The following TBCEL variants were observed in gnomAD, a reference collection of about 807,000 sequenced individuals.
TBCEL encodes tubulin folding cofactor E like.
Under a neutral mutation model 44.2 loss-of-function variants are expected in TBCEL, and 15 were observed. The ratio of observed to expected loss-of-function variants is 0.34; its 90% confidence interval spans 0.23 to 0.52. TBCEL has a LOEUF of 0.52. Among genes scored for constraint, TBCEL ranks in the 20% least tolerant of loss-of-function variants. TBCEL has a pLI of 0.95. For missense variants in TBCEL, 319 were observed against 506.3 expected (o/e 0.63, Z 3.55); for synonymous variants, 171 against 185.4 (o/e 0.92, Z 0.63).
intron 4 of TBCEL, among the ~76,000 whole-genome samples, chr11:121,051,209 A>G (rs1945522101): frequency 6.6e-6 from 1 of 151,720 alleles, no homozygotes; most frequent in African/African-American, 2.4e-5. Flanking sequence ...ATTAATTTTC[A>G]CTGTACAGTA....
chr11:121,075,805 T>C (rs1425668213), intron 8 of TBCEL, among the ~76,000 whole-genome samples: 1 of 152,004 alleles, frequency 6.6e-6, no homozygotes, highest in East Asian at 1.9e-4. Context: ...TAAAGTGTAC[T>C]TACATAAACT....
chr11:121,077,817 A>G (rs905553819), intron 8 of TBCEL, among the ~76,000 whole-genome samples: 1 of 152,024 alleles, frequency 6.6e-6, no homozygotes, highest in Non-Finnish European at 1.5e-5. Flanking sequence ...TTTTCATTGA[A>G]TTCAGATATT....
At chr11:121,078,609 T>C (rs1405129150) in intron 8 of TBCEL, among the ~76,000 whole-genome samples, 3 of 152,190 alleles carry the variant, frequency 2.0e-5, no homozygotes, top group East Asian at 1.9e-4. Context: ...GTTTTCTTTT[T>C]TTCATCCTCA....
chr11:121,040,164 TTCCTTTTTTAATC>T (rs112788857), intron 2 of TBCEL, among the ~76,000 whole-genome samples: 13 of 152,270 alleles, frequency 8.5e-5, no homozygotes, highest in African/African-American at 2.9e-4. Context: ...GCACCTCTCT[TTCCTTTTTTAATC>T]TCTACAGTCA....
At chr11:121,082,969 G>A (rs1014489893) in intron 8 of TBCEL, among the ~76,000 whole-genome samples, 3 of 152,170 alleles carry the variant, frequency 2.0e-5, no homozygotes, top group Non-Finnish European at 4.4e-5. Context: ...TAGTCATTTG[G>A]AAGCCTCTAC....
intron 8 of TBCEL, among the ~76,000 whole-genome samples, chr11:121,064,920 G>A (rs970784770): frequency 1.4e-4 from 21 of 151,884 alleles, no homozygotes; most frequent in Non-Finnish European, 5.9e-5. Context: ...TCTGCCTCCC[G>A]GGTTCACACC....
chr11:121,086,925 A>G lies in TBCEL; in HGVS notation c.1104A>G (p.Leu368=). 1.2e-6 allele frequency: 2 copies of G among 1,614,138 alleles called. No homozygotes were observed. Among genetic ancestry groups the G allele is most frequent in the Non-Finnish European group, 1.7e-6 (2 of 1,180,010 alleles). ...SIRLDQTVAE[L]KKQLKTLVQL... ...GTCTGGACCAAACAGTGGCAGAACT[A>G]AAGAAACAGTTAAAAACTCTAGTAC... Residue 368 remains leucine, a synonymous_variant, in exon 9 of 9, where the codon CTA becomes CTG. Transcript: ENST00000683345.
intron 8 of TBCEL, among the ~76,000 whole-genome samples, chr11:121,084,422 CT>C (rs1946180012): frequency 6.6e-6 from 1 of 151,968 alleles, no homozygotes. Flanking sequence ...GGAGTGTTTT[CT>C]TTTTCTTCAG....
At chr11:121,085,598 G>C (rs1458144258) in intron 8 of TBCEL, among the ~76,000 whole-genome samples, 1 of 152,126 alleles carries the variant, frequency 6.6e-6, no homozygotes, top group Non-Finnish European at 1.5e-5. Flanking sequence ...ACAGAGCCAG[G>C]GCTATTTTTA....
intron 2 of TBCEL, among the ~76,000 whole-genome samples, chr11:121,039,002 T>C (rs1021359981): frequency 1.2e-4 from 19 of 152,222 alleles, no homozygotes; most frequent in Non-Finnish European, 2.5e-4. Context: ...CTCTCTATTC[T>C]GCATAAAGAT....
chr11:121,025,889 A>G (rs1378624816), intron 1 of TBCEL, among the ~76,000 whole-genome samples: 2 of 145,058 alleles, frequency 1.4e-5, no homozygotes, highest in Non-Finnish European at 3.0e-5. Context: ...TTGATTGATG[A>G]AATTTTTTGT....
chr11:121,057,795 A>T (rs578181664), intron 6 of TBCEL, among the ~76,000 whole-genome samples: 1 of 151,288 alleles, frequency 6.6e-6, no homozygotes, highest in African/African-American at 2.4e-5. Context: ...GGACTTGAGC[A>T]TCTGCGGATT....
intron 1 of TBCEL, among the ~76,000 whole-genome samples, chr11:121,026,156 G>A (rs756796292): frequency 2.0e-4 from 31 of 152,022 alleles, no homozygotes; most frequent in Non-Finnish European, 3.8e-4. Flanking sequence ...ATATACCAAA[G>A]CCATAGACAT....
chr11:121,079,441 TGATA>T (rs1251845436), intron 8 of TBCEL, among the ~76,000 whole-genome samples: 3 of 152,168 alleles, frequency 2.0e-5, no homozygotes, highest in Non-Finnish European at 2.9e-5. Flanking sequence ...ACTAAAACAG[TGATA>T]GATAGTCTCA....
At chr11:121,067,054 G>A (rs140569041) in intron 8 of TBCEL, among the ~76,000 whole-genome samples, 7 of 151,882 alleles carry the variant, frequency 4.6e-5, no homozygotes, top group East Asian at 3.9e-4. Context: ...TTTTCCTCTC[G>A]TGTCAGTTAA....
chr11:121,062,354 C>T (rs888142189), intron 8 of TBCEL, among the ~76,000 whole-genome samples: 2 of 151,912 alleles, frequency 1.3e-5, no homozygotes, highest in African/African-American at 2.4e-5. Context: ...ATAATAAATC[C>T]GTAAGCCAGT....
chr11:121,059,174 T>A (rs1408680589), intron 7 of TBCEL, among the ~76,000 whole-genome samples: 1 of 151,994 alleles, frequency 6.6e-6, no homozygotes, highest in Non-Finnish European at 1.5e-5. Context: ...TTAAACAGGT[T>A]GTTGATCTTT....
At chr11:121,084,057 G>A (rs778065486) in intron 8 of TBCEL, among the ~76,000 whole-genome samples, 11 of 152,268 alleles carry the variant, frequency 7.2e-5, no homozygotes, top group East Asian at 1.9e-4. Flanking sequence ...CCAGGATAAC[G>A]GGTGGACTCC....
chr11:121,079,277 A>G (rs1024176857), intron 8 of TBCEL, among the ~76,000 whole-genome samples: 1 of 152,206 alleles, frequency 6.6e-6, no homozygotes, highest in Non-Finnish European at 1.5e-5. Context: ...AAGAGAGCCC[A>G]GGAGTGAATT....
Sources: allele counts gnomAD v4.1 joint callset (sites outside exome capture counted in the v4.1 genomes callset), GRCh38; gene constraint gnomAD v4.1.1; transcripts MANE v1.5; gene names NCBI Gene and HGNC (gene_info 2026-07-23, HGNC 2026-07-21).